Variants in FLT4 observed in about 807,000 individuals in gnomAD.
FLT4 encodes the protein fms related receptor tyrosine kinase 4.
A neutral mutation model predicts 163.2 loss-of-function variants in FLT4; 30 were observed. That is an observed-to-expected ratio of 0.18 (90% CI 0.14 to 0.25). The LOEUF (loss-of-function observed/expected upper bound fraction) is 0.25, where lower values mean the gene tolerates loss of function less well. Among genes scored for constraint, FLT4 ranks in the 10% least tolerant of loss-of-function variants. The pLI is 1.00. For missense variants in FLT4, 1,510 were observed against 1,863.8 expected (o/e 0.81, Z 3.50); for synonymous variants, 884 against 789.5 (o/e 1.12, Z -2.01).
At chr5:180,632,634 GTGCA>G (rs932400327) in intron 1 of FLT4, among the ~76,000 whole-genome samples, 2 of 139,520 alleles carry the variant, frequency 1.4e-5, no homozygotes, top group African/African-American at 5.4e-5. Flanking sequence ...GTGTGTGTGT[GTGCA>G]CACGCGTGCC....
rs1581622164 is a variant in FLT4 at position 180,613,029 on chromosome 5, T to C, written c.3413A>G (p.Glu1138Gly). The part of the protein sequence containing the change: ...LRDGTRMRAP[E>G]LATPAIRRIM... Reference sequence around the variant, plus strand: ...GGCTCACATGGCGGGAGTGGCCAGCTCCGGGGCCCTCATCCTTGTGCCGTC... The same window carrying C: ...GGCTCACATGGCGGGAGTGGCCAGCCCCGGGGCCCTCATCCTTGTGCCGTC... Residue 1138 changes from glutamate (E) to glycine (G), a missense_variant, in exon 25 of 30, where the codon GAG becomes GGG. Physicochemically the swap from Glu to Gly is moderately conservative, Grantham distance 98. Transcript: ENST00000261937. 1 of 1,612,946 alleles carries C rather than the reference T, an allele frequency of 6.2e-7. No individual in the cohort carries two copies. Among genetic ancestry groups the C allele is most frequent in the Non-Finnish European group, 8.5e-7 (1 of 1,179,348 alleles).
intron 1 of FLT4, among the ~76,000 whole-genome samples, chr5:180,643,109 C>T (rs959050911): frequency 1.3e-5 from 2 of 152,234 alleles, no homozygotes; most frequent in Non-Finnish European, 2.9e-5. Flanking sequence ...ATTTGCATTT[C>T]TGCATTTTAC....
At chr5:180,613,294 C>T (rs185240956) in intron 24 of FLT4, 184 bp from the exon 25 acceptor site, 410 of 552,158 alleles carry the variant, frequency 7.4e-4, no homozygotes, top group South Asian at 1.9e-3. Flanking sequence ...CAAGTCGCTG[C>T]CCTCCCCAGC....
At chr5:180,645,433 C>A (rs534424204) in intron 1 of FLT4, among the ~76,000 whole-genome samples, 2 of 152,360 alleles carry the variant, frequency 1.3e-5, no homozygotes, top group South Asian at 4.1e-4. Context: ...TATCAGACAA[C>A]CCAGCTGGCG....
intron 27 of FLT4, among the ~76,000 whole-genome samples, chr5:180,610,313 C>T (rs78723423): frequency 0.024 from 3,673 of 152,338 alleles, 158 homozygotes; most frequent in African/African-American, 0.083. Flanking sequence ...CATGGAGCTC[C>T]TCCCGGGGAT....
intron 1 of FLT4, among the ~76,000 whole-genome samples, chr5:180,637,315 G>A (rs1349026430): frequency 3.4e-5 from 5 of 146,626 alleles, no homozygotes; most frequent in Admixed American, 1.4e-4. Flanking sequence ...GGGACAGAGC[G>A]AGACTCCGTC....
At chr5:180,637,696 C>T (rs1033981077) in intron 1 of FLT4, among the ~76,000 whole-genome samples, 2 of 152,298 alleles carry the variant, frequency 1.3e-5, no homozygotes, top group South Asian at 4.1e-4. Flanking sequence ...TCACGCCCAG[C>T]TAATTTTGTA....
chr5:180,619,441 A>T, intron 18 of FLT4, 75 bp from the exon 19 acceptor site: 1 of 1,205,806 alleles, frequency 8.3e-7, no homozygotes, highest in Non-Finnish European at 1.2e-6. Context: ...CGCTTTTGGG[A>T]GGGGGAGGGT....
chr5:180,621,392 C>T (rs1248948064), intron 13 of FLT4, 140 bp from the exon 14 acceptor site: 1 of 1,419,628 alleles, frequency 7.0e-7, no homozygotes, highest in African/African-American at 1.4e-5. Context: ...CGGCGCGCCT[C>T]CGCAGGGGGC....
rs1764732702 is a variant in FLT4 at position 180,636,929 on chromosome 5, T to C, written c.59-5151A>G. 6.6e-6 allele frequency among the ~76,000 whole-genome samples: 1 copy of C among 151,784 alleles called. No homozygotes were observed. Among genetic ancestry groups the C allele is most frequent in the Non-Finnish European group, 1.5e-5 (1 of 67,968 alleles). The stretch of plus-strand genomic sequence containing the variant: ...CATCCCAACCCTGAGACAGCATGCA[T>C]TCCAAACAGCACAACACTGGCAGCA... On this transcript the variant is annotated intron_variant, in intron 1 of 29. Transcript: ENST00000261937. This position sits in a 1 kb window ranked among gnomAD's most constrained non-coding sequence, Gnocchi z 4.3.
At chr5:180,645,534 C>T (rs975918484) in intron 1 of FLT4, among the ~76,000 whole-genome samples, 2 of 152,176 alleles carry the variant, frequency 1.3e-5, no homozygotes, top group Admixed American at 6.5e-5. Context: ...CTCCTGTGGC[C>T]GACAAGTCCT....
chr5:180,640,777 C>A (rs1471728817), intron 1 of FLT4, among the ~76,000 whole-genome samples: 1 of 152,216 alleles, frequency 6.6e-6, no homozygotes. Flanking sequence ...TTGTTCTGTA[C>A]AGAACCCATA....
intron 1 of FLT4, among the ~76,000 whole-genome samples, chr5:180,635,796 C>G (rs181372827): frequency 7.9e-4 from 1 of 1,266 alleles, no homozygotes; most frequent in African/African-American, 1.9e-3. Context: ...TGGATGGATG[C>G]ATGGATGGAA....
chr5:180,609,498 G>A (rs923841274), intron 28 of FLT4: 10 of 350,732 alleles, frequency 2.9e-5, no homozygotes, highest in African/African-American at 1.3e-4. Flanking sequence ...GGGAAACTGC[G>A]ATCTTTTCAG....
At chr5:180,611,638 A>C in intron 26 of FLT4, 159 bp from the exon 27 acceptor site, 2 of 775,476 alleles carry the variant, frequency 2.6e-6, no homozygotes, top group Non-Finnish European at 2.1e-6. Flanking sequence ...CCCTGCCCTC[A>C]GCCCTCGCTC....
upstream of FLT4, chr5:180,649,623 C>T (rs950998663): frequency 1.8e-5 from 13 of 723,976 alleles, no homozygotes; most frequent in African/African-American, 1.9e-4. Flanking sequence ...GCCGGCTGGC[C>T]TGGGGCGGGG....
rs1160737118 is a variant in FLT4, at chr5:180,612,458, G to C, written c.3537+48C>G. On this transcript the variant is annotated intron_variant, in intron 26 of 29. Coordinates refer to ENST00000261937, the MANE Select transcript of FLT4 (RefSeq NM_182925.5). ...AGGGGCAGCTCGGGCCAGGGACCCA[G>C]GGCAGGGGCCAAAGGCCATAGTAGA... The C allele has an allele frequency of 2.9e-6, 4 of 1,403,420 alleles. No homozygotes were observed. In the South Asian group the frequency reaches 4.6e-5, roughly 16 times the overall value. The allele number at this position is 1,403,420 out of a possible 1,614,324, so 86.9% of individuals were successfully genotyped here. A position where few individuals can be genotyped will look rare whatever the true frequency, so the allele number is the denominator to read the frequency against.
chr5:180,631,428 G>C lies in FLT4; in HGVS notation c.155+254C>G, dbSNP rs538817739. 3.7e-4 allele frequency among the ~76,000 whole-genome samples: 56 copies of C among 151,966 alleles called. 1 individual carries two copies. The highest frequency in any genetic ancestry group is 1.2e-3 in the African/African-American group (51 of 41,438). Reference sequence around the variant, plus strand: ...GCAGAGCTTGCAGTGAGCCGAGATCGCACCACTGCACTCCAGCCTGGGTGA... The same window carrying C: ...GCAGAGCTTGCAGTGAGCCGAGATCCCACCACTGCACTCCAGCCTGGGTGA... On this transcript the variant is annotated intron_variant, in intron 2 of 29. Transcript: ENST00000261937.
intron 23 of FLT4, 112 bp from the exon 24 acceptor site, chr5:180,614,291 C>T (rs188318248): frequency 2.1e-5 from 14 of 657,776 alleles, no homozygotes; most frequent in African/African-American, 7.1e-5. Flanking sequence ...GATGGGGAGA[C>T]GGAGGGAAGC....
Sources: gnomAD v4.1 joint callset for allele counts (sites outside exome capture counted in the v4.1 genomes callset) on GRCh38, gnomAD v4.1.1 for gene constraint, Gnocchi (gnomAD v3.1) non-coding constraint, MANE v1.5 for transcripts, NCBI Gene and HGNC (gene_info 2026-07-23, HGNC 2026-07-21) for gene names.